UNC79: variants seen among roughly 807,000 people sequenced by gnomAD.
The protein encoded by UNC79 is unc-79 subunit of NALCN channel complex.
A neutral mutation model predicts 283.1 loss-of-function variants in UNC79; 37 were observed. The ratio of observed to expected loss-of-function variants is 0.13; its 90% CI spans 0.10 to 0.17. UNC79 has a LOEUF of 0.17. Among genes scored for constraint, UNC79 ranks in the 10% least tolerant of loss-of-function variants. UNC79 has a pLI of 1.00. For missense variants in UNC79, 2,272 were observed against 3,211.1 expected, an observed-to-expected ratio of 0.71 and a Z score of 7.07; for synonymous variants, 1,107 against 1,200.2, an observed-to-expected ratio of 0.92 and a Z score of 1.61.
At chr14:93,582,078 T>A (rs1220696384) in intron 19 of UNC79, 125 bp from the exon 20 acceptor site, 3 of 1,463,446 alleles carry the variant, frequency 2.0e-6, no homozygotes, top group Non-Finnish European at 2.8e-6. Context: ...TGCCTTGGCC[T>A]CTGGCCTCAG....
Position 93,600,790 on chromosome 14 carries a change from T to G in UNC79, c.3574+20T>G. ...CTACAAGTAAGTAAAATGAAGAACT[T>G]GCTGTAAACCGTTGCAGTTCCCATT... On this transcript the variant is annotated intron_variant, in intron 25 of 48. Coordinates refer to ENST00000555664, the Ensembl canonical transcript of UNC79. The G allele has an allele frequency of 6.2e-7, 1 of 1,608,160 alleles. No homozygotes were observed. Among genetic ancestry groups the G allele is most frequent in the Non-Finnish European group, 8.5e-7 (1 of 1,175,384 alleles).
chr14:93,679,922 A>AT (rs980785080), intron 41 of UNC79, among the ~76,000 whole-genome samples: 2 of 151,972 alleles, frequency 1.3e-5, no homozygotes, highest in Non-Finnish European at 2.9e-5. Context: ...ATCATAATAG[A>AT]TTTTTTTTCA....
At chr14:93,436,379 A>G (rs1403656527) in intron 1 of UNC79, among the ~76,000 whole-genome samples, 1 of 152,186 alleles carries the variant, frequency 6.6e-6, no homozygotes, top group Non-Finnish European at 1.5e-5. Context: ...TTAAACATTC[A>G]TTGTGGTTTT....
intron 22 of UNC79, 109 bp from the exon 23 acceptor site, chr14:93,593,571 C>T (rs2141951085): frequency 7.4e-7 from 1 of 1,343,156 alleles, no homozygotes; most frequent in Non-Finnish European, 1.0e-6. Context: ...ACCAAAAGCA[C>T]CCCTACCCAC....
chr14:93,452,120 C>T (rs548384952), intron 1 of UNC79, among the ~76,000 whole-genome samples: 10 of 152,274 alleles, frequency 6.6e-5, no homozygotes, highest in Non-Finnish European at 1.2e-4. Context: ...AAAGTCTTCC[C>T]GGACTATCCT....
exon 47 of UNC79, chr14:93,694,353 C>T: frequency 6.2e-7 from 1 of 1,611,088 alleles, no homozygotes; most frequent in Non-Finnish European, 8.5e-7. Flanking sequence ...AATGGTGTGT[C>T]TCCATGTGAT....
chr14:93,677,724 A>T (rs2073467446), intron 41 of UNC79, among the ~76,000 whole-genome samples: 3 of 152,078 alleles, frequency 2.0e-5, no homozygotes, highest in Admixed American at 2.0e-4. Flanking sequence ...ATCTCAGCTC[A>T]CTGCAACCTC....
At chr14:93,398,860 G>A (rs1043000316) in intron 1 of UNC79, among the ~76,000 whole-genome samples, 1 of 152,160 alleles carries the variant, frequency 6.6e-6, no homozygotes, top group Non-Finnish European at 1.5e-5. Context: ...CCACAGACAG[G>A]AGGGAAGAAA....
intron 41 of UNC79, among the ~76,000 whole-genome samples, chr14:93,674,579 C>T (rs1165258718): frequency 6.6e-6 from 1 of 152,114 alleles, no homozygotes; most frequent in Non-Finnish European, 1.5e-5. Flanking sequence ...TGTCAGCACT[C>T]GCTGATGAGC....
chr14:93,461,733 A>G (rs958004506), intron 1 of UNC79, among the ~76,000 whole-genome samples: 2 of 152,192 alleles, frequency 1.3e-5, no homozygotes, highest in Non-Finnish European at 2.9e-5. Context: ...AAATAAATAC[A>G]TCATTACAAA....
intron 14 of UNC79, among the ~76,000 whole-genome samples, chr14:93,562,431 G>A (rs991982434): frequency 2.0e-4 from 30 of 152,298 alleles, no homozygotes; most frequent in South Asian, 6.2e-4. Context: ...AAGAAAGTGC[G>A]TCCACATAAA....
At chr14:93,580,369 G>T (rs1043995250) in exon 19 of UNC79, 18 of 1,613,440 alleles carry the variant, frequency 1.1e-5, no homozygotes, top group Admixed American at 1.7e-5. Context: ...GAAGAAAGCC[G>T]GCTGGTGGTA....
chr14:93,431,113 C>T, intron 1 of UNC79, 62 bp downstream of exon 1: 1 of 554,536 alleles, frequency 1.8e-6, no homozygotes, highest in Non-Finnish European at 3.4e-6. Context: ...GCAGCTGCGG[C>T]GTTTGCGGCT....
At chr14:93,546,199 C>G (rs900017405) in intron 14 of UNC79, among the ~76,000 whole-genome samples, 4 of 152,356 alleles carry the variant, frequency 2.6e-5, no homozygotes, top group African/African-American at 9.6e-5. Context: ...TACACCTTAG[C>G]TGAATTCAGG....
chr14:93,488,422 CAT>C (rs1164775090), intron 5 of UNC79, among the ~76,000 whole-genome samples: 4 of 151,904 alleles, frequency 2.6e-5, no homozygotes, highest in African/African-American at 4.8e-5. Flanking sequence ...CTGACCAAAA[CAT>C]GTGCTAACAT....
intron 47 of UNC79, 110 bp from the exon 51 acceptor site, chr14:93,704,515 G>C: frequency 1.6e-6 from 2 of 1,262,606 alleles, no homozygotes; most frequent in East Asian, 2.3e-5. Flanking sequence ...GCCCACATCC[G>C]TGCGCGACGT....
chr14:93,670,605 A>T (rs1038142426), intron 40 of UNC79, among the ~76,000 whole-genome samples: 1 of 152,244 alleles, frequency 6.6e-6, no homozygotes, highest in Non-Finnish European at 1.5e-5. Flanking sequence ...TTAGCTATCC[A>T]GAAGCTCTCC....
chr14:93,383,086 G>A (rs2054697615), intron 1 of UNC79, among the ~76,000 whole-genome samples: 1 of 152,186 alleles, frequency 6.6e-6, no homozygotes. Flanking sequence ...CCTTTATGGA[G>A]GGTGTGTCAT....
intron 38 of UNC79, among the ~76,000 whole-genome samples, chr14:93,655,772 T>A (rs2070870477): frequency 6.6e-6 from 1 of 152,208 alleles, no homozygotes; most frequent in East Asian, 1.9e-4. Flanking sequence ...CTCAGACATA[T>A]AATGTAAAGT....
Sources: gnomAD v4.1 joint callset for allele counts (sites outside exome capture counted in the v4.1 genomes callset) on GRCh38, gnomAD v4.1.1 for gene constraint, MANE v1.5 for transcripts, NCBI Gene and HGNC (gene_info 2026-07-23, HGNC 2026-07-21) for gene names.